ITGA8: variants seen among roughly 807,000 people sequenced by gnomAD.
ITGA8 encodes the protein integrin alpha-8.
Under a neutral mutation model 142.3 loss-of-function variants are expected in ITGA8, and 91 were observed. The ratio of observed to expected loss-of-function variants is 0.64; its 90% CI spans 0.54 to 0.76. ITGA8 has a LOEUF of 0.76. ITGA8 is among the 30% of genes least tolerant of loss of function. ITGA8 has a pLI of 0.00. For synonymous variants in ITGA8, 505 were observed against 485.2 expected, an observed-to-expected ratio of 1.04 and a Z score of -0.54; for missense variants, 1,406 against 1,327.7, an observed-to-expected ratio of 1.06 and a Z score of -0.92.
At chr10:15,694,678 C>CATATACATATATATATAT (rs1554788568) in intron 2 of ITGA8, among the ~76,000 whole-genome samples, 9 of 77,528 alleles carry the variant, frequency 1.2e-4, no homozygotes, top group Non-Finnish European at 2.2e-4. Context: ...TATTTGTCGA[C>CATATACATATATATATAT]ATATATATAT....
At chr10:15,615,932 A>G (rs1017441214) in intron 14 of ITGA8, among the ~76,000 whole-genome samples, 5 of 152,208 alleles carry the variant, frequency 3.3e-5, no homozygotes, top group Admixed American at 2.0e-4. Context: ...AACGTTATAA[A>G]TGTTGTTTTT....
chr10:15,592,317 AT>A lies in ITGA8; in HGVS notation c.2212-14del, dbSNP rs1239911158. The A allele has an allele frequency of 3.1e-6, 5 of 1,591,364 alleles. No individual in the cohort carries two copies. The African/African-American group carries it at 6.7e-5, about 21-fold the overall frequency. On this transcript the variant is annotated splice_polypyrimidine_tract_variant and intron_variant, in intron 21 of 29. Transcript: ENST00000378076. Reference sequence around the variant, plus strand: ...GGCCCAGGGAATACTAAAAAATAAAATAAAATCACACAAGAGTAGCTTGTAC... The same window carrying A: ...GGCCCAGGGAATACTAAAAAATAAAAAAAATCACACAAGAGTAGCTTGTAC...
chr10:15,673,262 T>A (rs1834563694), intron 6 of ITGA8, among the ~76,000 whole-genome samples: 1 of 152,198 alleles, frequency 6.6e-6, no homozygotes, highest in Non-Finnish European at 1.5e-5. Context: ...TTTTTGTGTT[T>A]GTAGTAGAGA....
chr10:15,689,864 G>A (rs1834900510), intron 2 of ITGA8, among the ~76,000 whole-genome samples: 1 of 152,144 alleles, frequency 6.6e-6, no homozygotes, highest in Non-Finnish European at 1.5e-5. Flanking sequence ...CAGCTACTCA[G>A]AGTGTGGGCC....
rs765166981 is a variant in ITGA8, at chr10:15,572,222, G to A, written c.2626C>T (p.Gln876Ter). The A allele has an allele frequency of 3.1e-6, 5 of 1,613,336 alleles. No individual in the cohort carries two copies. The Admixed American group carries it at 6.7e-5, about 22-fold the overall frequency. ...GACCAGACTCCTACCTTTATATCCTGTGGATTGATATTAGGATTTGGTTGG... is the reference window on the plus strand; with the variant it reads ...GACCAGACTCCTACCTTTATATCCTATGGATTGATATTAGGATTTGGTTGG... ...QCQPNPNINPQDIKPAASPED... is the reference protein window; with the variant it reads ...QCQPNPNINP Residue 876 changes from glutamine to a stop codon, truncating the protein, a stop_gained, in exon 25 of 30, where the codon CAG (glutamine) becomes TAG (stop). Coordinates refer to ENST00000378076, the MANE Select transcript of ITGA8 (RefSeq NM_003638.3). LOFTEE classifies it high-confidence loss of function.
chr10:15,599,829 G>C (rs1056244660), intron 20 of ITGA8, among the ~76,000 whole-genome samples: 2 of 152,170 alleles, frequency 1.3e-5, no homozygotes, highest in Admixed American at 1.3e-4. Flanking sequence ...GCTGAGGCAG[G>C]AGAATCGCTT....
In ITGA8 at chr10:15,592,241, C is replaced by T. The variant is rs372991830; in HGVS notation, c.2275G>A (p.Asp759Asn). Residue 759 changes from aspartate (D) to asparagine (N), a missense_variant, in exon 22 of 30, where the codon GAT becomes AAT. Transcript: ENST00000378076. ...AGGTCTAACCTTCTGATTTGGAGAT[C>T]GAAGTTAATGCTCATGTTTGTTTTC... ...LEKTNMSINF[D>N]LQIRSSNKDN... 5.0e-6 allele frequency: 8 copies of T among 1,613,188 alleles called. No individual in the cohort carries two copies. The highest frequency in any genetic ancestry group is 3.3e-5 in the Admixed American group (2 of 59,978).
chr10:15,613,266 T>G (rs1051876876), intron 15 of ITGA8, among the ~76,000 whole-genome samples: 10 of 152,218 alleles, frequency 6.6e-5, no homozygotes, highest in Non-Finnish European at 1.3e-4. Flanking sequence ...TGTAAGAGTC[T>G]AGGTATTTTG....
chr10:15,636,087 T>C (rs1254687374), intron 13 of ITGA8, among the ~76,000 whole-genome samples: 1 of 152,206 alleles, frequency 6.6e-6, no homozygotes, highest in African/African-American at 2.4e-5. Flanking sequence ...TGCCCATGTT[T>C]TCCTCCAGTT....
chr10:15,514,167 A>G lies in ITGA8; in HGVS notation c.*2991T>C, dbSNP rs1318477818. On this transcript the variant is annotated 3_prime_UTR_variant, in exon 30 of 30. Transcript: ENST00000378076. ...TTATTGTGTCTTAAAACCCAGCTGCAAGAATTTAAAAAGGGAATTCTTTGA... is the reference window on the plus strand; with the variant it reads ...TTATTGTGTCTTAAAACCCAGCTGCGAGAATTTAAAAAGGGAATTCTTTGA... The G allele has an allele frequency of 6.6e-6, 1 of 152,226 alleles. No homozygotes were observed. The highest frequency in any genetic ancestry group is 2.4e-5 in the African/African-American group (1 of 41,466). The allele number at this position is 152,226 out of a possible 1,614,324, so 9.4% of individuals were successfully genotyped here.
At chr10:15,704,200 G>T (rs1835217115) in intron 2 of ITGA8, among the ~76,000 whole-genome samples, 1 of 151,982 alleles carries the variant, frequency 6.6e-6, no homozygotes, top group South Asian at 2.1e-4. Flanking sequence ...CCTAGTTATG[G>T]TCAACATTTT....
chr10:15,538,532 C>T (rs1019781262), intron 27 of ITGA8, among the ~76,000 whole-genome samples: 2 of 96,894 alleles, frequency 2.1e-5, no homozygotes, highest in Non-Finnish European at 4.4e-5. Flanking sequence ...AAAAAAAAAA[C>T]TATAGTTAAG....
intron 11 of ITGA8, among the ~76,000 whole-genome samples, chr10:15,649,661 A>C (rs1223633968): frequency 1.3e-5 from 2 of 151,762 alleles, no homozygotes; most frequent in African/African-American, 4.8e-5. Context: ...TGGACACCTC[A>C]TCAAAAAAGA....
At chr10:15,708,972 A>G (rs1386152947) in intron 2 of ITGA8, among the ~76,000 whole-genome samples, 2 of 152,204 alleles carry the variant, frequency 1.3e-5, no homozygotes, top group African/African-American at 4.8e-5. Flanking sequence ...TAGATGCTTT[A>G]AGCCAAAGAT....
chr10:15,712,541 C>T (rs997556488), intron 2 of ITGA8, among the ~76,000 whole-genome samples: 3 of 152,162 alleles, frequency 2.0e-5, no homozygotes, highest in Admixed American at 1.3e-4. Flanking sequence ...ATGGAGGTTG[C>T]AGTTAGCTGA....
chr10:15,610,185 G>C (rs1454618126), intron 15 of ITGA8, among the ~76,000 whole-genome samples: 2 of 152,110 alleles, frequency 1.3e-5, no homozygotes, highest in African/African-American at 2.4e-5. Flanking sequence ...GATTACTTTA[G>C]TGGAAAAGAG....
At chr10:15,669,504 C>T (rs1003223432) in intron 8 of ITGA8, among the ~76,000 whole-genome samples, 1 of 152,158 alleles carries the variant, frequency 6.6e-6, no homozygotes, top group African/African-American at 2.4e-5. Context: ...CTTCTGAAGC[C>T]TTCTTCTCTC....
intron 6 of ITGA8, among the ~76,000 whole-genome samples, chr10:15,676,464 C>T (rs547678403): frequency 6.6e-6 from 1 of 152,218 alleles, no homozygotes; most frequent in South Asian, 2.1e-4. Flanking sequence ...CTAATTTCTC[C>T]CAGCCCCATC....
intron 21 of ITGA8, among the ~76,000 whole-genome samples, 183 bp from the exon 22 acceptor site, chr10:15,592,487 T>C (rs1294785742): frequency 1.3e-5 from 2 of 152,208 alleles, no homozygotes; most frequent in South Asian, 2.1e-4. Flanking sequence ...AAGATTCAGG[T>C]CACAGTACAG....
Sources: allele counts gnomAD v4.1 joint callset (sites outside exome capture counted in the v4.1 genomes callset), GRCh38; gene constraint gnomAD v4.1.1; transcripts MANE v1.5; gene names NCBI Gene and HGNC (gene_info 2026-07-23, HGNC 2026-07-21).